Variants in CTDP1 observed in about 807,000 individuals in gnomAD.
CTDP1 encodes the protein CTD phosphatase 1.
CTDP1 carries 47 observed loss-of-function variants against 91.8 expected under a neutral mutation model. The observed-to-expected ratio is 0.51, with a 90% CI of 0.41 to 0.65. CTDP1 has a LOEUF of 0.65. Ranked by LOEUF, CTDP1 falls within the 30% of genes least tolerant of loss-of-function variation. CTDP1 has a pLI of 0.00. For missense variants in CTDP1, 1,272 were observed against 1,373.7 expected (o/e 0.93, Z 1.17); for synonymous variants, 656 against 598.5 (o/e 1.10, Z -1.40).
At chr18:79,733,395 C>T (rs990059791) in intron 11 of CTDP1, among the ~76,000 whole-genome samples, 1 of 152,170 alleles carries the variant, frequency 6.6e-6, no homozygotes, top group East Asian at 1.9e-4. Context: ...CATGGAACTG[C>T]GGGGAAGGGA....
intron 12 of CTDP1, among the ~76,000 whole-genome samples, chr18:79,740,373 G>A (rs932652081): frequency 2.6e-5 from 4 of 152,224 alleles, no homozygotes; most frequent in Non-Finnish European, 5.9e-5. Context: ...GTGACTCTTG[G>A]ACTTTGGGGA....
chr18:79,691,502 G>C (rs2085620533), intron 1 of CTDP1, among the ~76,000 whole-genome samples: 1 of 149,830 alleles, frequency 6.7e-6, no homozygotes, highest in African/African-American at 2.5e-5. Flanking sequence ...GGTGGACTCG[G>C]GGTGGGGAGG....
intron 1 of CTDP1, among the ~76,000 whole-genome samples, chr18:79,689,739 C>T (rs192848919): frequency 5.3e-5 from 8 of 152,310 alleles, no homozygotes; most frequent in Non-Finnish European, 8.8e-5. Flanking sequence ...TAAGATCACA[C>T]CACTGCACTG....
chr18:79,686,819 C>G (rs1188035751), intron 1 of CTDP1, among the ~76,000 whole-genome samples: 5 of 151,440 alleles, frequency 3.3e-5, no homozygotes, highest in African/African-American at 1.2e-4. Flanking sequence ...TTCTCCAGTT[C>G]ACTGGTGGGC....
intron 6 of CTDP1, among the ~76,000 whole-genome samples, chr18:79,711,146 CGTT>C (rs1256504783): frequency 1.3e-5 from 2 of 152,184 alleles, no homozygotes; most frequent in African/African-American, 4.8e-5. Flanking sequence ...CGCCACCTGA[CGTT>C]GTGTATCTGT....
At chr18:79,715,888 C>T (rs905115548) in intron 8 of CTDP1, among the ~76,000 whole-genome samples, 2 of 152,180 alleles carry the variant, frequency 1.3e-5, no homozygotes, top group African/African-American at 4.8e-5. Flanking sequence ...TTGACAAACC[C>T]TCTGAGTTAG....
chr18:79,737,004 C>T (rs2086683667), intron 12 of CTDP1, among the ~76,000 whole-genome samples: 2 of 152,216 alleles, frequency 1.3e-5, no homozygotes, highest in Non-Finnish European at 2.9e-5. Flanking sequence ...CAGGAGCCAG[C>T]GTCCTGCATG....
At chr18:79,724,722 GC>G (rs1287082137) in intron 10 of CTDP1, among the ~76,000 whole-genome samples, 1 of 152,194 alleles carries the variant, frequency 6.6e-6, no homozygotes, top group Non-Finnish European at 1.5e-5. Context: ...TAGGAATCGT[GC>G]TTTTGCTGTG....
intron 4 of CTDP1, among the ~76,000 whole-genome samples, chr18:79,700,396 G>T (rs1330690822): frequency 6.6e-6 from 1 of 152,234 alleles, no homozygotes; most frequent in Non-Finnish European, 1.5e-5. Context: ...CACAGATGAT[G>T]AGACAGTGAA....
At chr18:79,749,608 C>G (rs1045037337) in intron 12 of CTDP1, among the ~76,000 whole-genome samples, 6 of 152,030 alleles carry the variant, frequency 3.9e-5, no homozygotes, top group African/African-American at 1.4e-4. Context: ...CATGACTGCC[C>G]CCTCCCCGAG....
chr18:79,689,078 A>G (rs886551382), intron 1 of CTDP1, among the ~76,000 whole-genome samples: 1 of 152,222 alleles, frequency 6.6e-6, no homozygotes, highest in Admixed American at 6.5e-5. Flanking sequence ...CATAGCACTA[A>G]TAGTCCTAAT....
intron 11 of CTDP1, among the ~76,000 whole-genome samples, chr18:79,731,020 G>A (rs1002065620): frequency 1.3e-5 from 2 of 152,198 alleles, no homozygotes; most frequent in Non-Finnish European, 2.9e-5. Flanking sequence ...GGCAGATGAG[G>A]CAGCTTCACC....
Position 79,715,120 on chromosome 18 carries a change from G to A in CTDP1, c.1660G>A (p.Ala554Thr). ...CAACGGCTGTGCCGACAGGAAGGAG[G>A]CGGAGACCGAGTCACAGAACAGCGA... ...LGNGCADRKEAETESQNSELS... is the reference protein window; with the variant it reads ...LGNGCADRKETETESQNSELS... The change falls in exon 8 of 13, where the codon GCG becomes ACG. Residue 554 changes from alanine to threonine, a missense_variant. This residue lies in a region of CTDP1 where 881 missense variants were observed against 911.6 expected (regional missense o/e 0.97). Coordinates refer to ENST00000613122, the MANE Select transcript of CTDP1 (RefSeq NM_004715.5). 6.2e-7 allele frequency: 1 copy of A among 1,613,506 alleles called. No individual in the cohort carries two copies. The highest frequency in any genetic ancestry group is 8.5e-7 in the Non-Finnish European group (1 of 1,179,968).
At chr18:79,723,960 T>A (rs1415041072) in intron 10 of CTDP1, among the ~76,000 whole-genome samples, 1 of 152,232 alleles carries the variant, frequency 6.6e-6, no homozygotes, top group East Asian at 1.9e-4. Context: ...GGTCTCATGG[T>A]GTGTGGTGGA....
Position 79,715,497 on chromosome 18 carries a change from C to T in CTDP1, c.2037C>T (p.Asp679=). 1.3e-6 allele frequency: 2 copies of T among 1,571,080 alleles called. No individual in the cohort carries two copies. Among genetic ancestry groups the T allele is most frequent in the South Asian group, 1.2e-5 (1 of 85,862 alleles). ...TRLVLSPDAP[D]RATHLIAARA... ...TGGTGCTGAGCCCCGACGCCCCTGA[C>T]AGGGCCACGCACCTGATCGCCGCGC... is the stretch of plus-strand genomic sequence containing the variant. The change falls in exon 8 of 13, where the codon GAC becomes GAT. Residue 679 remains aspartate (D), a synonymous_variant. Coordinates refer to ENST00000613122, the MANE Select transcript of CTDP1 (RefSeq NM_004715.5).
At chr18:79,740,254 C>T (rs1308992276) in intron 12 of CTDP1, among the ~76,000 whole-genome samples, 1 of 152,210 alleles carries the variant, frequency 6.6e-6, no homozygotes, top group Admixed American at 6.5e-5. Context: ...GTTTGCGGAT[C>T]GCTGTGGACG....
At chr18:79,722,222 A>T (rs1467739400) in intron 10 of CTDP1, among the ~76,000 whole-genome samples, 1 of 152,246 alleles carries the variant, frequency 6.6e-6, no homozygotes, top group African/African-American at 2.4e-5. Context: ...GAATGAAGTC[A>T]AACACTTTTA....
chr18:79,715,184 G>T lies in CTDP1; in HGVS notation c.1724G>T (p.Ser575Ile). 2 of 1,611,398 alleles carry T rather than the reference G, an allele frequency of 1.2e-6. No homozygotes were observed. Among genetic ancestry groups the T allele is most frequent in the Non-Finnish European group, 1.7e-6 (2 of 1,179,234 alleles). ...ACTGCGGGTGAGTCCCTGGACCAGA[G>T]CATGGAGGAGGAGGAGGAGGAGGAC... Reference protein sequence around the residue: ...GVTAGESLDQSMEEEEEEDTD... With the variant: ...GVTAGESLDQIMEEEEEEDTD... Residue 575 changes from serine (S) to isoleucine (I), a missense_variant, in exon 8 of 13, where the codon AGC becomes ATC. Physicochemically the swap from Ser to Ile is moderately radical, Grantham distance 142. Transcript: ENST00000613122.
intron 12 of CTDP1, among the ~76,000 whole-genome samples, chr18:79,741,801 G>C (rs1006213119): frequency 6.6e-6 from 1 of 152,186 alleles, no homozygotes. Context: ...AGGGAATAGT[G>C]CTCCACCAGA....
Sources: gnomAD v4.1 joint callset for allele counts (sites outside exome capture counted in the v4.1 genomes callset) on GRCh38, gnomAD v4.1.1 for gene constraint, gnomAD v4.1.1 regional missense constraint, MANE v1.5 for transcripts, NCBI Gene and HGNC (gene_info 2026-07-23, HGNC 2026-07-21) for gene names.